SLC38A9: variants seen among roughly 807,000 people sequenced by gnomAD.
SLC38A9 encodes the protein neutral amino acid transporter 9.
Under a neutral mutation model 62.3 loss-of-function variants are expected in SLC38A9, and 48 were observed. The ratio of observed to expected loss-of-function variants is 0.77; its 90% CI spans 0.61 to 0.98. The LOEUF is 0.98. Ranked by LOEUF, SLC38A9 falls within the 50% of genes least tolerant of loss-of-function variation. The pLI, the probability that SLC38A9 is intolerant of heterozygous loss-of-function variation, is 0.00. For synonymous variants in SLC38A9, 204 were observed against 227.7 expected, an observed-to-expected ratio of 0.90 and a Z score of 0.94; for missense variants, 541 against 679.8, an observed-to-expected ratio of 0.80 and a Z score of 2.27.
chr5:55,640,495 G>A (rs561762129), intron 12 of SLC38A9, among the ~76,000 whole-genome samples: 14 of 152,274 alleles, frequency 9.2e-5, no homozygotes, highest in African/African-American at 3.4e-4. Flanking sequence ...GCAAAGACAT[G>A]TCCTCAGTCT....
chr5:55,706,453 C>T (rs983485987), intron 2 of SLC38A9, among the ~76,000 whole-genome samples: 3 of 152,214 alleles, frequency 2.0e-5, no homozygotes, highest in African/African-American at 7.2e-5. Context: ...TAGAAAGATC[C>T]TTGGATTTCA....
intron 12 of SLC38A9, 140 bp downstream of exon 12, chr5:55,645,649 G>A (rs1026749558): frequency 1.5e-5 from 10 of 667,584 alleles, no homozygotes; most frequent in Non-Finnish European, 2.6e-5. Flanking sequence ...GCTGACGACT[G>A]CTCTATGGTT....
chr5:55,689,691 C>G (rs1348836957), intron 3 of SLC38A9, among the ~76,000 whole-genome samples: 4 of 152,176 alleles, frequency 2.6e-5, no homozygotes, highest in Non-Finnish European at 5.9e-5. Flanking sequence ...CAGTCAAACC[C>G]AACGAGGCTC....
Position 55,626,679 on chromosome 5 carries a change from G to A in SLC38A9, c.1521-20C>T. ...GAATATCTGCAAAATAAAAGCTTTT[G>A]GGGTTAATATTCATCTTGCACTTTG... On this transcript the variant is annotated intron_variant, in intron 15 of 15. Coordinates refer to ENST00000396865, the MANE Select transcript of SLC38A9 (RefSeq NM_173514.4). The A allele has an allele frequency of 6.4e-7, 1 of 1,571,126 alleles. No homozygotes were observed. The highest frequency in any genetic ancestry group is 8.6e-7 in the Non-Finnish European group (1 of 1,160,968).
chr5:55,635,215 C>T (rs1452017943), intron 13 of SLC38A9: 1 of 307,398 alleles, frequency 3.3e-6, no homozygotes, highest in East Asian at 7.8e-5. Flanking sequence ...ATGAGAACTA[C>T]TTGTACCAGT....
rs530710440 is a variant in SLC38A9, at chr5:55,667,520, A to C, written c.526+1708T>G. ...GTGAATTATGTTGGATTTCTTAATA[A>C]TGAAACATCCTTGCATTACTGGAAT... On this transcript the variant is annotated intron_variant, in intron 7 of 15. Coordinates refer to ENST00000396865, the MANE Select transcript of SLC38A9 (RefSeq NM_173514.4). 1.4e-4 allele frequency among the ~76,000 whole-genome samples: 21 copies of C among 151,878 alleles called. No individual in the cohort carries two copies. In the South Asian group the frequency reaches 4.4e-3, roughly 32 times the overall value.
intron 3 of SLC38A9, among the ~76,000 whole-genome samples, chr5:55,689,694 C>T (rs1211389903): frequency 2.0e-5 from 3 of 152,182 alleles, no homozygotes; most frequent in South Asian, 2.1e-4. Flanking sequence ...TCAAACCCAA[C>T]GAGGCTCCCT....
intron 3 of SLC38A9, chr5:55,697,063 T>C: frequency 6.5e-6 from 1 of 153,166 alleles, no homozygotes; most frequent in Non-Finnish European, 1.4e-5. Flanking sequence ...GCAGAGACGC[T>C]CCTCACTTTC....
chr5:55,711,860 C>T (rs1401990261), intron 1 of SLC38A9, among the ~76,000 whole-genome samples: 2 of 152,156 alleles, frequency 1.3e-5, no homozygotes, highest in Non-Finnish European at 2.9e-5. Flanking sequence ...TCTCCTACTC[C>T]CTCCTTCTCT....
intron 2 of SLC38A9, among the ~76,000 whole-genome samples, chr5:55,705,633 G>A (rs1445236035): frequency 6.6e-6 from 1 of 151,938 alleles, no homozygotes; most frequent in Non-Finnish European, 1.5e-5. Flanking sequence ...GACAAAAGAA[G>A]CATCTGAAAA....
At chr5:55,684,886 T>C (rs1561409484) in intron 3 of SLC38A9, among the ~76,000 whole-genome samples, 1 of 152,222 alleles carries the variant, frequency 6.6e-6, no homozygotes, top group South Asian at 2.1e-4. Context: ...ACTCCTGACC[T>C]CAGATGATTC....
rs748225255 is a variant in SLC38A9 at position 55,633,770 on chromosome 5, C to T, written c.1414G>A (p.Gly472Ser). ...AGCCCTTACCTAGGATAAATGTCAC[C>T]GAAGATATGGCCCAAAAGCTGGACA... The part of the protein sequence containing the change: ...ARVQLLGHIF[G>S]DIYPSIFHVL... The change falls in exon 14 of 16, where the codon GGT becomes AGT. Residue 472 changes from glycine (G) to serine (S), a missense_variant. By Grantham distance (56) the Gly-to-Ser change is moderately conservative. Transcript: ENST00000396865. The T allele has an allele frequency of 3.8e-5, 62 of 1,613,906 alleles. No individual in the cohort carries two copies. Among genetic ancestry groups the T allele is most frequent in the South Asian group, 3.3e-4 (30 of 91,054 alleles).
At chr5:55,652,022 C>A (rs1435686093) in intron 10 of SLC38A9, among the ~76,000 whole-genome samples, 1 of 115,904 alleles carries the variant, frequency 8.6e-6, no homozygotes, top group African/African-American at 2.9e-5. Context: ...TTTCTCCATG[C>A]CAAACTCCAT....
At chr5:55,639,163 C>T (rs1322577063) in intron 12 of SLC38A9, among the ~76,000 whole-genome samples, 1 of 151,188 alleles carries the variant, frequency 6.6e-6, no homozygotes, top group East Asian at 2.0e-4. Context: ...ATCTCAGCTA[C>T]TTGGGAGGCT....
intron 14 of SLC38A9, among the ~76,000 whole-genome samples, chr5:55,628,761 A>G (rs527286137): frequency 5.9e-5 from 9 of 152,330 alleles, no homozygotes; most frequent in Admixed American, 2.0e-4. Context: ...GAGAATATTT[A>G]CTAAATACTT....
chr5:55,669,863 A>C lies in SLC38A9; in HGVS notation c.263T>G (p.Val88Gly). Residue 88 changes from valine (V) to glycine (G), a missense_variant, in exon 5 of 16, where the codon GTA becomes GGA. Transcript: ENST00000396865. ...ADKALIAPDHVVPAPEECYVY... is the reference protein window; with the variant it reads ...ADKALIAPDHGVPAPEECYVY... ...ATAGCACTCTTCTGGAGCTGGAACT[A>C]CATGGTCTGGGGCAATCTGGTAAAA... 3.1e-6 allele frequency: 5 copies of C among 1,608,760 alleles called. No homozygotes were observed. The highest frequency in any genetic ancestry group is 4.2e-6 in the Non-Finnish European group (5 of 1,178,510).
At chr5:55,673,653 G>A (rs4865617) in intron 3 of SLC38A9, among the ~76,000 whole-genome samples, 90,628 of 151,068 alleles carry the variant, frequency 0.6, 27,739 homozygotes, top group South Asian at 0.69. Context: ...GTTCTGAAAG[G>A]AACTTAAAAT....
At chr5:55,683,852 C>A (rs181620243) in intron 3 of SLC38A9, among the ~76,000 whole-genome samples, 1 of 152,244 alleles carries the variant, frequency 6.6e-6, no homozygotes, top group East Asian at 1.9e-4. Flanking sequence ...AATTTATATT[C>A]TCTTACATGT....
chr5:55,697,900 C>CT lies in SLC38A9; in HGVS notation c.58dup (p.Arg20LysfsTer11). On this transcript the variant is annotated frameshift_variant, in exon 3 of 16. Transcript: ENST00000396865. LOFTEE classifies it high-confidence loss of function. ...CTGGATATTCATAGGTCCAGGATCTCTTTCATGATCTACCTCAGAGGTGCC... is the reference window on the plus strand; with the variant it reads ...CTGGATATTCATAGGTCCAGGATCTCTTTTCATGATCTACCTCAGAGGTGCC... The CT allele has an allele frequency of 6.2e-7, 1 of 1,600,786 alleles. No homozygotes were observed. Among genetic ancestry groups the CT allele is most frequent in the Non-Finnish European group, 8.5e-7 (1 of 1,176,284 alleles).
Sources: gnomAD v4.1 joint callset for allele counts (sites outside exome capture counted in the v4.1 genomes callset) on GRCh38, gnomAD v4.1.1 for gene constraint, MANE v1.5 for transcripts, NCBI Gene and HGNC (gene_info 2026-07-23, HGNC 2026-07-21) for gene names.